Variants in FGF2 observed in about 807,000 individuals in gnomAD.
The protein encoded by FGF2 is fibroblast growth factor 2.
A neutral mutation model predicts 15.9 loss-of-function variants in FGF2; 13 were observed. That is an observed-to-expected ratio of 0.82 (90% CI 0.53 to 1.30). The LOEUF is 1.30. Among genes scored for constraint, FGF2 ranks in the 50% most tolerant of loss-of-function variants. The pLI is 0.00. For missense variants in FGF2, 163 were observed against 196.9 expected, an observed-to-expected ratio of 0.83 and a Z score of 1.03; for synonymous variants, 90 against 78.4, an observed-to-expected ratio of 1.15 and a Z score of -0.78.
chr4:122,850,866 T>G (rs1441466393), intron 1 of FGF2, among the ~76,000 whole-genome samples: 1 of 152,224 alleles, frequency 6.6e-6, no homozygotes, highest in Admixed American at 6.5e-5. Context: ...GAAGTGTCAG[T>G]ACTGGAGCCA....
intron 1 of FGF2, among the ~76,000 whole-genome samples, chr4:122,836,158 G>T (rs1725861824): frequency 6.6e-6 from 1 of 152,206 alleles, no homozygotes; most frequent in African/African-American, 2.4e-5. Flanking sequence ...CACTGGGACT[G>T]TGAACTCTTT....
chr4:122,826,999 G>A lies in FGF2; in HGVS notation c.-176G>A, dbSNP rs1362939306. On this transcript the variant is annotated 5_prime_UTR_variant, in exon 1 of 3. Coordinates refer to ENST00000644866, the MANE Select transcript of FGF2 (RefSeq NM_001361665.2). ...GGCCGGCGGACAGAAGAGCGGCCGA[G>A]CGGCTCGAGGCTGGGGGACCGCGGG... The A allele has an allele frequency of 2.4e-6, 3 of 1,233,012 alleles. No homozygotes were observed. The East Asian group carries it at 9.6e-5, about 39-fold the overall frequency. 76.4% of individuals were successfully genotyped at this position (1,233,012 alleles called of 1,614,324 possible).
chr4:122,888,409 A>G (rs949892158), intron 2 of FGF2, among the ~76,000 whole-genome samples: 18 of 152,154 alleles, frequency 1.2e-4, no homozygotes, highest in African/African-American at 4.1e-4. Context: ...CTACAAAAAG[A>G]TGTCAGATCA....
chr4:122,878,347 C>A (rs1004496468), intron 2 of FGF2, among the ~76,000 whole-genome samples: 21 of 151,824 alleles, frequency 1.4e-4, no homozygotes, highest in African/African-American at 4.8e-4. Context: ...AGTCATGGGG[C>A]AGAAGAAATT....
At chr4:122,875,046 C>G (rs1041150225) in intron 1 of FGF2, among the ~76,000 whole-genome samples, 1 of 152,106 alleles carries the variant, frequency 6.6e-6, no homozygotes, top group Admixed American at 6.6e-5. Flanking sequence ...AAAGAGTTAA[C>G]TTGGTTTAAC....
At chr4:122,848,175 G>C (rs570715920) in intron 1 of FGF2, among the ~76,000 whole-genome samples, 162 of 152,254 alleles carry the variant, frequency 1.1e-3, no homozygotes, top group Non-Finnish European at 2.0e-3. Flanking sequence ...TACTAGACTG[G>C]CCTCCTGTTG....
At chr4:122,890,454 C>T (rs886311584) in intron 2 of FGF2, among the ~76,000 whole-genome samples, 6 of 152,132 alleles carry the variant, frequency 3.9e-5, no homozygotes, top group Non-Finnish European at 8.8e-5. Flanking sequence ...TTTAAAAATC[C>T]ATTTAACAGT....
Position 122,892,299 on chromosome 4 carries a change from A to G in FGF2, c.371A>G (p.Tyr124Cys), listed in dbSNP as rs751060740. 1 of 1,613,952 alleles carries G rather than the reference A, an allele frequency of 6.2e-7. No individual in the cohort carries two copies. The highest frequency in any genetic ancestry group is 2.2e-5 in the East Asian group (1 of 44,874). Residue 124 changes from tyrosine to cysteine, a missense_variant, in exon 3 of 3, where the codon TAT becomes TGT. By Grantham distance (194) the Tyr-to-Cys change is radical (BLOSUM62 -2). Transcript: ENST00000644866. ...CGGTCAAGGAAATACACCAGTTGGTATGTGGCACTGAAACGAACTGGGCAG... is the reference window on the plus strand; with the variant it reads ...CGGTCAAGGAAATACACCAGTTGGTGTGTGGCACTGAAACGAACTGGGCAG... ...TYRSRKYTSW[Y>C]VALKRTGQYK...
chr4:122,844,618 T>TTCCTTCCTTC (rs1726070728), intron 1 of FGF2, among the ~76,000 whole-genome samples: 2 of 110,728 alleles, frequency 1.8e-5, no homozygotes, highest in African/African-American at 1.1e-4. Context: ...TTCCTTCCTT[T>TTCCTTCCTTC]CTTTCTTCCT....
chr4:122,890,339 G>T (rs1727141844), intron 2 of FGF2, among the ~76,000 whole-genome samples: 1 of 152,158 alleles, frequency 6.6e-6, no homozygotes, highest in Non-Finnish European at 1.5e-5. Flanking sequence ...CTGTCAATGT[G>T]TGCTTCTCTG....
At chr4:122,835,291 C>T (rs1046434267) in intron 1 of FGF2, among the ~76,000 whole-genome samples, 8 of 152,032 alleles carry the variant, frequency 5.3e-5, no homozygotes, top group African/African-American at 1.4e-4. Flanking sequence ...ACTCCTCAGG[C>T]GGTTATACTT....
At chr4:122,858,853 A>T (rs1280520631) in intron 1 of FGF2, among the ~76,000 whole-genome samples, 1 of 152,214 alleles carries the variant, frequency 6.6e-6, no homozygotes, top group Non-Finnish European at 1.5e-5. Flanking sequence ...TTACTGGTGA[A>T]TTTTAGATCC....
intron 1 of FGF2, among the ~76,000 whole-genome samples, chr4:122,871,079 T>C (rs1219970500): frequency 6.6e-6 from 1 of 152,234 alleles, no homozygotes; most frequent in Admixed American, 6.5e-5. Flanking sequence ...TTTCATTATT[T>C]ACCCAGGAGT....
intron 2 of FGF2, among the ~76,000 whole-genome samples, chr4:122,891,021 CTT>C (rs769084285): frequency 8.4e-5 from 8 of 94,742 alleles, no homozygotes; most frequent in Admixed American, 2.2e-4. Context: ...AACAATTTAT[CTT>C]TTTTTTTTTT....
At chr4:122,861,141 C>T (rs147205712) in intron 1 of FGF2, among the ~76,000 whole-genome samples, 9 of 152,256 alleles carry the variant, frequency 5.9e-5, no homozygotes, top group South Asian at 2.1e-4. Context: ...CTTTAATCTG[C>T]GCTGGCTACA....
intron 1 of FGF2, among the ~76,000 whole-genome samples, chr4:122,853,605 G>A (rs1252232666): frequency 6.6e-6 from 1 of 152,078 alleles, no homozygotes; most frequent in Non-Finnish European, 1.5e-5. Flanking sequence ...TCCCCTTCAC[G>A]GAATTCCCCA....
At chr4:122,853,037 C>T (rs1040200382) in intron 1 of FGF2, among the ~76,000 whole-genome samples, 2 of 152,182 alleles carry the variant, frequency 1.3e-5, no homozygotes, top group Non-Finnish European at 2.9e-5. Flanking sequence ...GTGGCTCATT[C>T]ATGTAATCCC....
intron 1 of FGF2, among the ~76,000 whole-genome samples, chr4:122,866,330 T>C (rs1466918146): frequency 6.7e-6 from 1 of 149,722 alleles, no homozygotes; most frequent in Non-Finnish European, 1.5e-5. Flanking sequence ...ATTGCGCCAC[T>C]GCACTCCCGC....
At position 122,831,919 on chromosome 4, in the gene FGF2, C is replaced by A. The variant is rs892465162; in HGVS notation, c.178+4567C>A. 2.0e-5 allele frequency among the ~76,000 whole-genome samples: 3 copies of A among 152,162 alleles called. No homozygotes were observed. The East Asian group carries it at 5.8e-4, about 29-fold the overall frequency. On this transcript the variant is annotated intron_variant, in intron 1 of 2. Transcript: ENST00000644866. Reference sequence around the variant, plus strand: ...AATGTTACAGATGTAATGAACAAAACAAGAACGGTTCTTTAAATATCATAA... The same window carrying A: ...AATGTTACAGATGTAATGAACAAAAAAAGAACGGTTCTTTAAATATCATAA...
Sources: allele counts gnomAD v4.1 joint callset (sites outside exome capture counted in the v4.1 genomes callset), GRCh38; gene constraint gnomAD v4.1.1; transcripts MANE v1.5; gene names NCBI Gene and HGNC (gene_info 2026-07-23, HGNC 2026-07-21).